MACROD2: variants seen among roughly 807,000 people sequenced by gnomAD.
MACROD2 encodes mono-ADP ribosylhydrolase 2, also known as ADP-ribose glycohydrolase MACROD2.
A neutral mutation model predicts 70.4 loss-of-function variants in MACROD2; 36 were observed. That is an observed-to-expected ratio of 0.51 (90% CI 0.39 to 0.68). MACROD2 has a LOEUF of 0.68. Among genes scored for constraint, MACROD2 ranks in the 30% least tolerant of loss-of-function variants. The pLI, the probability that MACROD2 is intolerant of heterozygous loss-of-function variation, is 0.00. For missense variants in MACROD2, 496 were observed against 538.4 expected (o/e 0.92, Z 0.78); for synonymous variants, 172 against 178.8 (o/e 0.96, Z 0.30).
intron 1 of MACROD2, among the ~76,000 whole-genome samples, chr20:13,999,754 A>C (rs73099751): frequency 6.6e-6 from 1 of 152,368 alleles, no homozygotes; most frequent in Non-Finnish European, 1.5e-5. Context: ...TTACAACTCA[A>C]ACAGCTCTGT....
At chr20:14,222,178 G>T (rs2081680957) in intron 3 of MACROD2, among the ~76,000 whole-genome samples, 1 of 146,778 alleles carries the variant, frequency 6.8e-6, no homozygotes, top group Non-Finnish European at 1.5e-5. Context: ...AAAGATACCT[G>T]CATTTTTATA....
intron 8 of MACROD2, among the ~76,000 whole-genome samples, chr20:15,647,095 T>A (rs1414830931): frequency 6.6e-6 from 1 of 152,236 alleles, no homozygotes; most frequent in East Asian, 1.9e-4. Flanking sequence ...AATGAATGCG[T>A]ACTCTTTGCC....
At position 13,995,646 on chromosome 20, in the gene MACROD2, G is replaced by A. The variant is rs1427057460; in HGVS notation, c.-118G>A. On this transcript the variant is annotated 5_prime_UTR_variant, in exon 1 of 18. Coordinates refer to ENST00000684519, the MANE Select transcript of MACROD2 (RefSeq NM_001351661.2). The surrounding 1 kb of genome is among the most constrained non-coding windows in gnomAD (Gnocchi z 4.3). ...AGCGGCGAGCAGCGCAGGACGCAGA[G>A]CCTCTTTCACTTTTTCCCTGCTGAG... The A allele has an allele frequency of 8.9e-6, 8 of 894,080 alleles. No individual in the cohort carries two copies. The highest frequency in any genetic ancestry group is 1.5e-5 in the Non-Finnish European group (8 of 539,594). 55.4% of individuals were successfully genotyped at this position (894,080 alleles called of 1,614,324 possible).
At chr20:14,947,420 G>A (rs1463741877) in intron 5 of MACROD2, among the ~76,000 whole-genome samples, 1 of 152,164 alleles carries the variant, frequency 6.6e-6, no homozygotes, top group Non-Finnish European at 1.5e-5. Flanking sequence ...ATACACGGGG[G>A]CACCAGCAGT....
At chr20:15,841,350 T>TA (rs754133315) in intron 8 of MACROD2, among the ~76,000 whole-genome samples, 25 of 152,074 alleles carry the variant, frequency 1.6e-4, no homozygotes, top group Non-Finnish European at 2.2e-4. Flanking sequence ...CATAAAGAAA[T>TA]ACCTGAGACT....
At chr20:15,136,865 A>G (rs1046975597) in intron 5 of MACROD2, among the ~76,000 whole-genome samples, 4 of 150,050 alleles carry the variant, frequency 2.7e-5, no homozygotes, top group Non-Finnish European at 5.9e-5. Context: ...CAAATTTACA[A>G]GAAAAAAACA....
chr20:14,748,700 A>G (rs768408690), intron 5 of MACROD2, among the ~76,000 whole-genome samples: 2 of 152,148 alleles, frequency 1.3e-5, no homozygotes, highest in African/African-American at 2.4e-5. Context: ...ATTAGTACCT[A>G]TGAACTTTCC....
At chr20:15,224,789 G>A (rs963645114) in intron 5 of MACROD2, among the ~76,000 whole-genome samples, 2 of 151,844 alleles carry the variant, frequency 1.3e-5, no homozygotes, top group African/African-American at 4.8e-5. Context: ...GTAAAACCCT[G>A]TGTCTACTAA....
intron 8 of MACROD2, among the ~76,000 whole-genome samples, chr20:15,702,948 C>T (rs899734241): frequency 2.0e-5 from 3 of 152,114 alleles, no homozygotes; most frequent in Non-Finnish European, 4.4e-5. Context: ...GACACATAGA[C>T]TAATGGAACA....
intron 10 of MACROD2, among the ~76,000 whole-genome samples, chr20:15,918,896 G>A (rs1406730857): frequency 1.3e-5 from 2 of 152,124 alleles, no homozygotes; most frequent in Admixed American, 1.3e-4. Flanking sequence ...TAGAACCAAT[G>A]AGGGGCTCTG....
At chr20:15,134,305 C>T (rs1224483448) in intron 5 of MACROD2, among the ~76,000 whole-genome samples, 3 of 150,724 alleles carry the variant, frequency 2.0e-5, no homozygotes, top group Non-Finnish European at 3.0e-5. Flanking sequence ...GGGCGGATCA[C>T]GAGGTCAGGA....
chr20:14,269,956 A>G (rs551141061), intron 3 of MACROD2, among the ~76,000 whole-genome samples: 1 of 152,144 alleles, frequency 6.6e-6, no homozygotes, highest in East Asian at 1.9e-4. Context: ...TTCCTTAGGG[A>G]TATTATATAA....
intron 6 of MACROD2, among the ~76,000 whole-genome samples, chr20:15,331,374 A>G (rs1368881900): frequency 6.6e-6 from 1 of 151,738 alleles, no homozygotes; most frequent in Non-Finnish European, 1.5e-5. Context: ...TTAATGAACC[A>G]CATGCCAACT....
At chr20:15,232,467 A>T (rs1169245488) in intron 6 of MACROD2, among the ~76,000 whole-genome samples, 1 of 152,014 alleles carries the variant, frequency 6.6e-6, no homozygotes, top group East Asian at 1.9e-4. Context: ...AACATTTTGT[A>T]ACTTTGGTTT....
chr20:14,331,699 C>T (rs184996106), intron 3 of MACROD2, among the ~76,000 whole-genome samples: 1 of 152,164 alleles, frequency 6.6e-6, no homozygotes, highest in East Asian at 1.9e-4. Context: ...TAGTGCTAAA[C>T]AGATTTTTGG....
At chr20:14,878,824 C>T (rs1016154846) in intron 5 of MACROD2, among the ~76,000 whole-genome samples, 2 of 152,074 alleles carry the variant, frequency 1.3e-5, no homozygotes, top group Non-Finnish European at 2.9e-5. Context: ...TACACTCTTC[C>T]AGTTCAAAGG....
At chr20:15,194,219 C>T (rs140076450) in intron 5 of MACROD2, among the ~76,000 whole-genome samples, 1,713 of 112,164 alleles carry the variant, frequency 0.015, 34 homozygotes, top group African/African-American at 0.053. Flanking sequence ...GAACTTCAGC[C>T]TGGGTGACAG....
At chr20:14,089,891 ATTTAT>A (rs2054125189) in intron 3 of MACROD2, among the ~76,000 whole-genome samples, 1 of 152,182 alleles carries the variant, frequency 6.6e-6, no homozygotes, top group African/African-American at 2.4e-5. Flanking sequence ...TTAAAAAATA[ATTTAT>A]TTTAGTTTCA....
intron 8 of MACROD2, among the ~76,000 whole-genome samples, chr20:15,837,540 G>T (rs1213582489): frequency 1.3e-5 from 2 of 152,014 alleles, no homozygotes; most frequent in African/African-American, 2.4e-5. Context: ...CTGTTTTTTT[G>T]ATCACTAGCC....
Sources: allele counts gnomAD v4.1 joint callset (sites outside exome capture counted in the v4.1 genomes callset), GRCh38; gene constraint gnomAD v4.1.1; non-coding constraint Gnocchi (gnomAD v3.1); transcripts MANE v1.5; gene names NCBI Gene and HGNC (gene_info 2026-07-23, HGNC 2026-07-21).